Variants in RAD17 observed in about 807,000 individuals in gnomAD.
RAD17 encodes the protein RAD17 checkpoint clamp loader component.
Under a neutral mutation model 81.5 loss-of-function variants are expected in RAD17, and 31 were observed. The ratio of observed to expected loss-of-function variants is 0.38; its 90% CI spans 0.29 to 0.51. The LOEUF (loss-of-function observed/expected upper bound fraction) is 0.51, where lower values mean the gene tolerates loss of function less well. Ranked by LOEUF, RAD17 falls within the 20% of genes least tolerant of loss-of-function variation. The probability of loss-of-function intolerance (pLI) is 0.88; values close to 1 mark genes in which losing one functional copy is unlikely to be tolerated. For synonymous variants in RAD17, 261 were observed against 266.2 expected, an observed-to-expected ratio of 0.98 and a Z score of 0.19; for missense variants, 681 against 781.2, an observed-to-expected ratio of 0.87 and a Z score of 1.53.
In RAD17 at chr5:69,414,340, T is replaced by C. The variant is rs558549892; in HGVS notation, c.*48T>C. 1.3e-5 allele frequency: 20 copies of C among 1,575,348 alleles called. 1 individual carries two copies. In the South Asian group the frequency reaches 1.6e-4, roughly 12 times the overall value. ...GCTACTTCACAGCTTCATTTTTGTT[T>C]CATTCAGTGGTACTTCAGCAGAGTT... On this transcript the variant is annotated 3_prime_UTR_variant, in exon 19 of 19. Coordinates refer to ENST00000354868, the MANE Select transcript of RAD17 (RefSeq NM_133338.3).
At chr5:69,393,918 T>G (rs1381880235) in intron 15 of RAD17, among the ~76,000 whole-genome samples, 1 of 144,832 alleles carries the variant, frequency 6.9e-6, no homozygotes, top group African/African-American at 2.5e-5. Flanking sequence ...GTTTTTTTTT[T>G]TTTTTTTTTT....
chr5:69,377,519 A>G (rs13176927), intron 6 of RAD17, among the ~76,000 whole-genome samples: 15 of 74,124 alleles, frequency 2.0e-4, no homozygotes, highest in South Asian at 9.3e-4. Flanking sequence ...ATATATACGT[A>G]TATATATGTG....
intron 18 of RAD17, among the ~76,000 whole-genome samples, chr5:69,412,422 T>C (rs1404667731): frequency 1.3e-5 from 2 of 152,196 alleles, no homozygotes; most frequent in Admixed American, 1.3e-4. Context: ...CTACACGTTA[T>C]TTTTGCCCAT....
At chr5:69,396,672 A>G in intron 16 of RAD17, 126 bp downstream of exon 16, 1 of 1,094,702 alleles carries the variant, frequency 9.1e-7, no homozygotes, top group Non-Finnish European at 1.2e-6. Flanking sequence ...TTAATAAAAT[A>G]GTTGCTAAGG....
intron 8 of RAD17, 21 bp downstream of exon 8, chr5:69,384,954 C>A (rs201819631): frequency 3.9e-5 from 50 of 1,278,718 alleles, no homozygotes; most frequent in African/African-American, 5.0e-5. Context: ...CTTTTAAAAT[C>A]TTTTTTTTTT....
Position 69,386,068 on chromosome 5 carries a change from A to T in RAD17, c.671A>T (p.Asp224Val). The T allele has an allele frequency of 6.3e-7, 1 of 1,598,528 alleles. No individual in the cohort carries two copies. The highest frequency in any genetic ancestry group is 8.5e-7 in the Non-Finnish European group (1 of 1,173,618). The change falls in exon 9 of 19, where the codon GAT (aspartate) becomes GTT (valine). Residue 224 changes from aspartate (D) to valine (V), a missense_variant. By Grantham distance (152) the Asp-to-Val change is radical. Transcript: ENST00000354868. ...GATTTACCTAACCAGTTTTATCGGG[A>T]TTCTCATACTTTACATGAAGTTCTA... ...VEDLPNQFYR[D>V]SHTLHEVLRK...
chr5:69,387,829 C>G (rs1389472574), intron 11 of RAD17, among the ~76,000 whole-genome samples: 1 of 152,034 alleles, frequency 6.6e-6, no homozygotes, highest in Non-Finnish European at 1.5e-5. Context: ...TTCACTCCAG[C>G]CTGGGCAGCA....
intron 15 of RAD17, among the ~76,000 whole-genome samples, chr5:69,395,349 A>C (rs1490616816): frequency 6.6e-6 from 1 of 152,100 alleles, no homozygotes; most frequent in Non-Finnish European, 1.5e-5. Flanking sequence ...CATCTCTAGA[A>C]GAGATTTTAA....
At chr5:69,394,943 T>A (rs1280490445) in intron 15 of RAD17, among the ~76,000 whole-genome samples, 3 of 152,076 alleles carry the variant, frequency 2.0e-5, no homozygotes, top group Non-Finnish European at 4.4e-5. Context: ...TCCCAGCTAC[T>A]CAGGAGGCTG....
rs1332607353 is a variant in RAD17 at position 69,379,620 on chromosome 5, CTTTA to C, written c.352-2278_352-2275del. Among the ~76,000 whole-genome samples the C allele has an allele frequency of 5.3e-5, 8 of 151,946 alleles. No individual in the cohort carries two copies. The South Asian group carries it at 1.5e-3, about 28-fold the overall frequency. On this transcript the variant is annotated intron_variant, in intron 6 of 18. Coordinates refer to ENST00000354868, the MANE Select transcript of RAD17 (RefSeq NM_133338.3). ...GTACAAAAATATTTTGTCTTTATAT[CTTTA>C]TTCTATAAATTTTTTTTGTATTTAA...
intron 18 of RAD17, among the ~76,000 whole-genome samples, chr5:69,411,104 G>A (rs1414889971): frequency 6.6e-6 from 1 of 151,024 alleles, no homozygotes; most frequent in Non-Finnish European, 1.5e-5. Context: ...TAAGCACTTA[G>A]GAATTGTTTA....
chr5:69,371,634 A>T, intron 3 of RAD17, 77 bp downstream of exon 3: 1 of 741,618 alleles, frequency 1.3e-6, no homozygotes, highest in South Asian at 5.0e-5. Flanking sequence ...TTAATAACTT[A>T]TTACTGCTAT....
intron 4 of RAD17, 57 bp from the exon 5 acceptor site, chr5:69,373,773 T>TG: frequency 2.8e-6 from 4 of 1,423,614 alleles, no homozygotes; most frequent in Non-Finnish European, 3.9e-6. Context: ...TTCAGTTATT[T>TG]GGGGGAATAG....
chr5:69,369,479 C>A (rs769594023), upstream of RAD17: 7 of 1,611,270 alleles, frequency 4.3e-6, no homozygotes, highest in Middle Eastern at 8.6e-4. Context: ...GCAGGATGTT[C>A]GGAAGCAACA....
At chr5:69,387,518 C>T (rs1764287468) in intron 11 of RAD17, among the ~76,000 whole-genome samples, 1 of 152,122 alleles carries the variant, frequency 6.6e-6, no homozygotes, top group South Asian at 2.1e-4. Context: ...TCCAATAATA[C>T]AGGAAGCAAT....
chr5:69,378,237 G>A (rs966659028), intron 6 of RAD17, among the ~76,000 whole-genome samples: 5 of 152,122 alleles, frequency 3.3e-5, no homozygotes, highest in Non-Finnish European at 5.9e-5. Flanking sequence ...TTTTAAATAC[G>A]ATATACCAAA....
intron 17 of RAD17, among the ~76,000 whole-genome samples, chr5:69,402,607 A>C (rs1765344044): frequency 6.6e-6 from 1 of 151,210 alleles, no homozygotes; most frequent in African/African-American, 2.4e-5. Flanking sequence ...GTGAGCTGAG[A>C]TCACGCCACT....
intron 1 of RAD17, among the ~76,000 whole-genome samples, chr5:69,370,454 C>G (rs1238058198): frequency 2.0e-5 from 3 of 152,164 alleles, no homozygotes; most frequent in African/African-American, 4.8e-5. Context: ...ATTCTCCTGC[C>G]TTAGCCTCCA....
At chr5:69,369,792 C>G (rs1156459522), upstream of RAD17, 1 of 1,377,374 alleles carries the variant, frequency 7.3e-7, no homozygotes, top group East Asian at 2.5e-5. Flanking sequence ...CTTGCGCCGA[C>G]CAGTCTGGAA....
Sources: gnomAD v4.1 joint callset for allele counts (sites outside exome capture counted in the v4.1 genomes callset) on GRCh38, gnomAD v4.1.1 for gene constraint, MANE v1.5 for transcripts, NCBI Gene and HGNC (gene_info 2026-07-23, HGNC 2026-07-21) for gene names.